The following PARK7 variants were observed in gnomAD, a reference collection of about 807,000 sequenced individuals.
PARK7 encodes the protein Parkinsonism associated deglycase.
Under a neutral mutation model 20.5 loss-of-function variants are expected in PARK7, and 14 were observed. The ratio of observed to expected loss-of-function variants is 0.68; its 90% CI spans 0.45 to 1.07. PARK7 has a LOEUF of 1.07. Among genes scored for constraint, PARK7 ranks in the 50% least tolerant of loss-of-function variants. The pLI is 0.00. For synonymous variants in PARK7, 98 were observed against 84.3 expected (o/e 1.16, Z -0.89); for missense variants, 234 against 238.1 (o/e 0.98, Z 0.11).
At chr1:7,970,462 G>A (rs879565836) in intron 4 of PARK7, among the ~76,000 whole-genome samples, 1 of 152,062 alleles carries the variant, frequency 6.6e-6, no homozygotes, top group Non-Finnish European at 1.5e-5. Flanking sequence ...AGGAGTCAGA[G>A]GCCAGGGTGA....
chr1:7,984,591 T>C lies in PARK7; in HGVS notation c.410-303T>C, dbSNP rs1466557846. Among the ~76,000 whole-genome samples, 1 of 152,200 alleles carries C rather than the reference T, an allele frequency of 6.6e-6. No individual in the cohort carries two copies. Among genetic ancestry groups the C allele is most frequent in the Non-Finnish European group, 1.5e-5 (1 of 68,032 alleles). On this transcript the variant is annotated intron_variant, in intron 6 of 6. Coordinates refer to ENST00000338639, the MANE Select transcript of PARK7 (RefSeq NM_007262.5). This position sits in a 1 kb window ranked among gnomAD's most constrained non-coding sequence, Gnocchi z 4.3. ...ATTGACACTTGAGCTTTGTTGTAAA[T>C]AGTGATGTGAGTAACTGTCATTCAC...
Position 7,985,059 on chromosome 1 carries a change from G to T in PARK7, c.*5G>T. ...CCACTTGTTCTTAAAGACTAGAGCA[G>T]CGAACTGCGACGATCACTTAGAGAA... On this transcript the variant is annotated 3_prime_UTR_variant, in exon 7 of 7. Transcript: ENST00000338639. The T allele has an allele frequency of 1.2e-6, 2 of 1,613,846 alleles. No homozygotes were observed. The highest frequency in any genetic ancestry group is 1.7e-6 in the Non-Finnish European group (2 of 1,179,944).
Position 7,984,858 on chromosome 1 carries a change from C to T in PARK7, c.410-36C>T. The T allele has an allele frequency of 6.2e-7, 1 of 1,611,958 alleles. No homozygotes were observed. Among genetic ancestry groups the T allele is most frequent in the Non-Finnish European group, 8.5e-7 (1 of 1,178,170 alleles). Reference sequence around the variant, plus strand: ...TAATCGTCTTTCTCGTCACATAGCCCATTAGGATGTCACCTTTTCTGTTTC... The same window carrying T: ...TAATCGTCTTTCTCGTCACATAGCCTATTAGGATGTCACCTTTTCTGTTTC... On this transcript the variant is annotated intron_variant, in intron 6 of 6. Coordinates refer to ENST00000338639, the MANE Select transcript of PARK7 (RefSeq NM_007262.5). This position sits in a 1 kb window ranked among gnomAD's most constrained non-coding sequence, Gnocchi z 4.3.
At chr1:7,968,752 G>C (rs1194146956) in intron 3 of PARK7, among the ~76,000 whole-genome samples, 2 of 152,090 alleles carry the variant, frequency 1.3e-5, no homozygotes, top group Non-Finnish European at 1.5e-5. Flanking sequence ...CCTGAGCTCA[G>C]GTAATCTTCC....
rs183262785 is a variant in PARK7, at chr1:7,978,467, A to G, written c.409+729A>G. On this transcript the variant is annotated intron_variant, in intron 6 of 6. Transcript: ENST00000338639. ...GAATGCAGTGGTGTGATCTCAGCTC[A>G]CTGCAACCTCCGCCTCCCGGGTTCA... Among the ~76,000 whole-genome samples the G allele has an allele frequency of 2.2e-4, 32 of 146,478 alleles. 1 individual carries two copies. In the South Asian group the frequency reaches 3.5e-3, roughly 16 times the overall value.
At chr1:7,978,286 G>A (rs910227330) in intron 6 of PARK7, among the ~76,000 whole-genome samples, 2 of 151,212 alleles carry the variant, frequency 1.3e-5, no homozygotes, top group South Asian at 4.2e-4. Context: ...ATGAGCCACC[G>A]CGCCCAGTCT....
chr1:7,969,096 T>A, intron 3 of PARK7: 1 of 452,822 alleles, frequency 2.2e-6, no homozygotes, highest in Non-Finnish European at 4.0e-6. Context: ...AAGGAGATTA[T>A]ACTACCCCTG....
intron 5 of PARK7, among the ~76,000 whole-genome samples, chr1:7,973,824 C>T (rs964184011): frequency 3.3e-5 from 5 of 151,484 alleles, no homozygotes; most frequent in Admixed American, 6.6e-5. Context: ...AGGAGAATCG[C>T]TTGAACCCGG....
chr1:7,980,369 C>T (rs1250708366), intron 6 of PARK7, among the ~76,000 whole-genome samples: 1 of 152,148 alleles, frequency 6.6e-6, no homozygotes, highest in African/African-American at 2.4e-5. Flanking sequence ...GTGCCTGTTG[C>T]ATCTGTTTTC....
At chr1:7,970,822 AAAGTTTCCT>A (rs1640450061) in intron 4 of PARK7, 63 bp from the exon 5 acceptor site, 1 of 1,477,886 alleles carries the variant, frequency 6.8e-7, no homozygotes, top group Non-Finnish European at 9.4e-7. Flanking sequence ...AAATTCTTCC[AAAGTTTCCT>A]AGTGAGTGAT....
At chr1:7,973,128 ATGTT>A (rs1640499719) in intron 5 of PARK7, among the ~76,000 whole-genome samples, 1 of 152,228 alleles carries the variant, frequency 6.6e-6, no homozygotes, top group Non-Finnish European at 1.5e-5. Flanking sequence ...TAAGACCTAA[ATGTT>A]TGAGAACCGT....
chr1:7,967,301 C>T lies in PARK7; in HGVS notation c.192+1876C>T, dbSNP rs368525663. Among the ~76,000 whole-genome samples, 5 of 152,156 alleles carry T rather than the reference C, an allele frequency of 3.3e-5. No individual in the cohort carries two copies. In the East Asian group the frequency reaches 9.6e-4, roughly 29 times the overall value. ...CCATTGTGTATAAATGCCACATTTT[C>T]TTTATGCATTCATCTGTTGTTGGAC... On this transcript the variant is annotated intron_variant, in intron 3 of 6. Transcript: ENST00000338639.
intron 6 of PARK7, among the ~76,000 whole-genome samples, chr1:7,981,086 A>G (rs536097725): frequency 6.6e-6 from 1 of 151,940 alleles, no homozygotes; most frequent in African/African-American, 2.4e-5. Flanking sequence ...TCATTTGTCC[A>G]CTGTTTGATG....
chr1:7,969,156 G>C (rs997086202), intron 3 of PARK7, 189 bp from the exon 4 acceptor site: 3 of 566,996 alleles, frequency 5.3e-6, no homozygotes, highest in Admixed American at 3.1e-5. Context: ...CAGGTTTTCT[G>C]CATTTTTTGC....
intron 6 of PARK7, among the ~76,000 whole-genome samples, chr1:7,981,864 T>C (rs1248289078): frequency 6.6e-6 from 1 of 151,844 alleles, no homozygotes; most frequent in Non-Finnish European, 1.5e-5. Context: ...TTCATCGTGT[T>C]AGCCAGGATG....
chr1:7,971,195 C>T (rs558338427), intron 5 of PARK7: 12 of 578,582 alleles, frequency 2.1e-5, no homozygotes, highest in African/African-American at 1.1e-4. Flanking sequence ...TAGTGTTTTC[C>T]GTGTTTGGTT....
intron 5 of PARK7, among the ~76,000 whole-genome samples, chr1:7,976,887 A>G (rs997710643): frequency 5.3e-5 from 8 of 151,916 alleles, no homozygotes; most frequent in Admixed American, 4.6e-4. Context: ...CGCACAGCTA[A>G]TTTTTTGTAT....
intron 1 of PARK7, among the ~76,000 whole-genome samples, chr1:7,962,481 C>T (rs182675928): frequency 2.0e-5 from 3 of 152,264 alleles, no homozygotes; most frequent in Admixed American, 2.0e-4. Context: ...TTGCAACATA[C>T]TATTAAAGTT....
chr1:7,967,607 A>G (rs1640356198), intron 3 of PARK7, among the ~76,000 whole-genome samples: 1 of 152,208 alleles, frequency 6.6e-6, no homozygotes, highest in Non-Finnish European at 1.5e-5. Flanking sequence ...AATCAACGGT[A>G]GGATGTTTAT....
Sources: gnomAD v4.1 joint callset for allele counts (sites outside exome capture counted in the v4.1 genomes callset) on GRCh38, gnomAD v4.1.1 for gene constraint, Gnocchi (gnomAD v3.1) non-coding constraint, MANE v1.5 for transcripts, NCBI Gene and HGNC (gene_info 2026-07-23, HGNC 2026-07-21) for gene names.